FBXL17: variants seen among roughly 807,000 people sequenced by gnomAD.
The protein encoded by FBXL17 is F-box and leucine rich repeat protein 17.
A neutral mutation model predicts 66.2 loss-of-function variants in FBXL17; 22 were observed. The observed-to-expected ratio is 0.33, with a 90% CI of 0.24 to 0.47. The LOEUF is 0.47. Ranked by LOEUF, FBXL17 falls within the 20% of genes least tolerant of loss-of-function variation. The pLI is 1.00. For synonymous variants in FBXL17, 474 were observed against 400.5 expected, an observed-to-expected ratio of 1.18 and a Z score of -2.19; for missense variants, 878 against 948.2, an observed-to-expected ratio of 0.93 and a Z score of 0.97.
intron 6 of FBXL17, among the ~76,000 whole-genome samples, chr5:108,065,047 C>A (rs190391011): frequency 1.3e-5 from 2 of 152,178 alleles, no homozygotes; most frequent in Non-Finnish European, 2.9e-5. Context: ...TCTTCTATCC[C>A]TAGAAGCTCA....
intron 4 of FBXL17, among the ~76,000 whole-genome samples, chr5:108,259,199 G>A (rs567421430): frequency 6.6e-6 from 1 of 152,172 alleles, no homozygotes; most frequent in African/African-American, 2.4e-5. Context: ...GATATAAGAG[G>A]AAATCAGGTA....
intron 4 of FBXL17, among the ~76,000 whole-genome samples, chr5:108,336,717 A>C (rs1457442571): frequency 6.6e-6 from 1 of 152,186 alleles, no homozygotes; most frequent in Admixed American, 6.5e-5. Context: ...TCTTAAAAAG[A>C]ACACACTTAT....
In FBXL17 at chr5:108,155,670, C is replaced by T. The variant is rs962437176; in HGVS notation, c.1745+30447G>A. 3.8e-4 allele frequency among the ~76,000 whole-genome samples: 58 copies of T among 152,268 alleles called. 1 individual carries two copies. The highest frequency in any genetic ancestry group is 1.3e-4 in the Non-Finnish European group (9 of 67,998). On this transcript the variant is annotated intron_variant, in intron 6 of 8. Transcript: ENST00000542267. ...TTTATTTTGATTTCTGATGAACTTA[C>T]AAGTGTGCCTTCCTAATTTCTCTAG...
intron 6 of FBXL17, among the ~76,000 whole-genome samples, chr5:108,107,613 T>C (rs188089307): frequency 0.024 from 3,680 of 151,572 alleles, 129 homozygotes; most frequent in African/African-American, 0.08. Flanking sequence ...GAGATTGAGA[T>C]CATCCTGGCT....
intron 3 of FBXL17, among the ~76,000 whole-genome samples, chr5:108,363,669 C>T (rs771736874): frequency 2.9e-4 from 44 of 151,858 alleles, no homozygotes; most frequent in Non-Finnish European, 1.3e-4. Context: ...ACCATGACTA[C>T]GATCTTATTC....
intron 7 of FBXL17, among the ~76,000 whole-genome samples, chr5:107,964,855 A>C (rs1022135169): frequency 6.6e-6 from 1 of 152,148 alleles, no homozygotes; most frequent in African/African-American, 2.4e-5. Context: ...TCCAATTAGC[A>C]CTTCAGTGCA....
chr5:108,164,902 T>C lies in FBXL17; in HGVS notation c.1745+21215A>G, dbSNP rs143679581. Among the ~76,000 whole-genome samples, 990 of 152,316 alleles carry C rather than the reference T, an allele frequency of 6.5e-3. 15 individuals are homozygous for C. The highest frequency in any genetic ancestry group is 0.022 in the African/African-American group (921 of 41,574). On this transcript the variant is annotated intron_variant, in intron 6 of 8. Transcript: ENST00000542267. ...AGTGAAAAATACACTTGTGCCTAAA[T>C]AACTTATTCCAAGTTTTGTCAGTTA...
In FBXL17 at chr5:108,019,941, T is replaced by A. The variant is rs1373593758; in HGVS notation, c.1822+984A>T. Among the ~76,000 whole-genome samples, 11 of 148,980 alleles carry A rather than the reference T, an allele frequency of 7.4e-5. No individual in the cohort carries two copies. The Admixed American group carries it at 7.4e-4, about 10-fold the overall frequency. On this transcript the variant is annotated intron_variant, in intron 7 of 8. Coordinates refer to ENST00000542267, the MANE Select transcript of FBXL17 (RefSeq NM_001163315.3). ...TGTGTTTCTAAATGTAAAAAAAAAA[T>A]TAGATTATTTTTAAAATTATAGCTT... is the stretch of plus-strand genomic sequence containing the variant.
chr5:108,123,195 A>G (rs1408507040), intron 6 of FBXL17, among the ~76,000 whole-genome samples: 1 of 151,776 alleles, frequency 6.6e-6, no homozygotes. Flanking sequence ...CAGTTTTGGC[A>G]AAACCATTTA....
chr5:108,242,511 T>C (rs1022088538), intron 4 of FBXL17, among the ~76,000 whole-genome samples: 3 of 152,072 alleles, frequency 2.0e-5, no homozygotes, highest in Non-Finnish European at 4.4e-5. Context: ...TGTAAGCCAC[T>C]GTGTCTGGCC....
intron 3 of FBXL17, among the ~76,000 whole-genome samples, chr5:108,353,699 T>A (rs753151018): frequency 2.0e-4 from 31 of 152,096 alleles, no homozygotes; most frequent in Non-Finnish European, 3.8e-4. Context: ...GCCTTCCATG[T>A]AAGGAAAGGG....
chr5:108,259,475 T>G (rs1260888087), intron 4 of FBXL17, among the ~76,000 whole-genome samples: 1 of 152,198 alleles, frequency 6.6e-6, no homozygotes, highest in East Asian at 1.9e-4. Flanking sequence ...TTTACATTCC[T>G]GACCTGCCAG....
intron 6 of FBXL17, among the ~76,000 whole-genome samples, chr5:108,158,613 TAGAG>T (rs1042794136): frequency 3.9e-4 from 59 of 151,194 alleles, no homozygotes; most frequent in African/African-American, 1.3e-3. Context: ...ATTAAAAAAA[TAGAG>T]AGACTGGAGC....
intron 6 of FBXL17, among the ~76,000 whole-genome samples, chr5:108,173,483 T>C (rs1023265029): frequency 5.3e-5 from 8 of 152,362 alleles, no homozygotes; most frequent in African/African-American, 1.9e-4. Flanking sequence ...CAAAGATCTA[T>C]TCATACTGAA....
chr5:108,137,983 C>A (rs1445708842), intron 6 of FBXL17, among the ~76,000 whole-genome samples: 1 of 152,054 alleles, frequency 6.6e-6, no homozygotes, highest in Non-Finnish European at 1.5e-5. Flanking sequence ...TTTTAAGTTA[C>A]CTTGTTTTAG....
At chr5:107,892,191 C>T (rs1749217120) in intron 7 of FBXL17, among the ~76,000 whole-genome samples, 1 of 152,114 alleles carries the variant, frequency 6.6e-6, no homozygotes, top group African/African-American at 2.4e-5. Context: ...ATTGCTTTCA[C>T]ACCATCATAA....
At chr5:108,089,423 A>ACCTATATT (rs1749105717) in intron 6 of FBXL17, among the ~76,000 whole-genome samples, 1 of 152,058 alleles carries the variant, frequency 6.6e-6, no homozygotes. Flanking sequence ...GACCTTTAGC[A>ACCTATATT]CCTATATTTC....
chr5:108,284,794 T>C (rs1395072293), intron 4 of FBXL17, among the ~76,000 whole-genome samples: 1 of 151,902 alleles, frequency 6.6e-6, no homozygotes, highest in East Asian at 1.9e-4. Flanking sequence ...TCAATGTTGA[T>C]GGCTACTGAT....
intron 7 of FBXL17, among the ~76,000 whole-genome samples, chr5:107,934,423 A>C (rs1750832368): frequency 6.6e-6 from 1 of 152,168 alleles, no homozygotes; most frequent in African/African-American, 2.4e-5. Flanking sequence ...CTGATATTTT[A>C]AAACTATTTC....
Sources: allele counts gnomAD v4.1 joint callset (sites outside exome capture counted in the v4.1 genomes callset), GRCh38; gene constraint gnomAD v4.1.1; transcripts MANE v1.5; gene names NCBI Gene and HGNC (gene_info 2026-07-23, HGNC 2026-07-21).